The following CNTN3 variants were observed in gnomAD, a reference collection of about 807,000 sequenced individuals.
The protein encoded by CNTN3 is contactin 3.
In CNTN3, 60 loss-of-function variants were observed where a neutral mutation model predicts 119.1. The observed-to-expected ratio is 0.50, with a 90% confidence interval of 0.41 to 0.62. The LOEUF (loss-of-function observed/expected upper bound fraction) is 0.62, where lower values mean the gene tolerates loss of function less well. CNTN3 is among the 20% of genes least tolerant of loss of function. CNTN3 has a pLI of 0.00. For synonymous variants in CNTN3, 450 were observed against 438.7 expected (o/e 1.03, Z -0.32); for missense variants, 1,101 against 1,242.4 (o/e 0.89, Z 1.71).
At chr3:74,590,135 A>G (rs1165592171) in intron 1 of CNTN3, among the ~76,000 whole-genome samples, 1 of 151,914 alleles carries the variant, frequency 6.6e-6, no homozygotes, top group African/African-American at 2.4e-5. Flanking sequence ...ATAATAATAA[A>G]AAATAAATAA....
chr3:74,557,503 G>C (rs570083011), intron 1 of CNTN3, among the ~76,000 whole-genome samples: 1 of 152,232 alleles, frequency 6.6e-6, no homozygotes, highest in South Asian at 2.1e-4. Context: ...GTCTTCAACA[G>C]GTAGGACATA....
chr3:74,397,022 T>C (rs751227799), intron 5 of CNTN3, among the ~76,000 whole-genome samples: 1 of 152,176 alleles, frequency 6.6e-6, no homozygotes, highest in Non-Finnish European at 1.5e-5. Context: ...CTAGGACTTT[T>C]ATAGCCAGAG....
At chr3:74,396,525 T>C (rs1387335514) in intron 5 of CNTN3, among the ~76,000 whole-genome samples, 1 of 151,844 alleles carries the variant, frequency 6.6e-6, no homozygotes, top group Admixed American at 6.6e-5. Context: ...GGCGGGTGGA[T>C]CATCAGGTCA....
intron 3 of CNTN3, among the ~76,000 whole-genome samples, chr3:74,496,100 T>A (rs551590016): frequency 1.4e-4 from 21 of 152,154 alleles, no homozygotes; most frequent in African/African-American, 4.8e-4. Flanking sequence ...TTTAACTTAA[T>A]TGATTTAAAT....
At chr3:74,560,707 A>T (rs1704139475) in intron 1 of CNTN3, among the ~76,000 whole-genome samples, 2 of 152,154 alleles carry the variant, frequency 1.3e-5, no homozygotes, top group African/African-American at 4.8e-5. Flanking sequence ...TCATACTGCT[A>T]TAAAGACACA....
intron 13 of CNTN3, among the ~76,000 whole-genome samples, chr3:74,320,854 C>A (rs879033713): frequency 1.3e-5 from 2 of 151,748 alleles, no homozygotes; most frequent in Admixed American, 1.3e-4. Context: ...ATAGTAAGCT[C>A]TTCAGAATCA....
intron 13 of CNTN3, among the ~76,000 whole-genome samples, chr3:74,324,141 T>C (rs1296782263): frequency 6.6e-6 from 1 of 152,120 alleles, no homozygotes; most frequent in African/African-American, 2.4e-5. Flanking sequence ...TGAATTCCAA[T>C]AGTGGAACTC....
rs776317605 is a variant in CNTN3, at chr3:74,486,459, C to G, written c.355G>C (p.Ala119Pro). ...AGACATGTGAACATAAACTTACAGG[C>G]AAACTGAAGTTTGGCTTCTCTGCTG... is the stretch of plus-strand genomic sequence containing the variant. ...IVSREAKLQF[A>P]YLENFKTKMR... Residue 119 changes from alanine to proline, a missense_variant, in exon 4 of 23, where the codon GCC becomes CCC. Coordinates refer to ENST00000263665, the MANE Select transcript of CNTN3 (RefSeq NM_020872.3). The G allele has an allele frequency of 1.3e-6, 2 of 1,597,778 alleles. No individual in the cohort carries two copies. Among genetic ancestry groups the G allele is most frequent in the Non-Finnish European group, 1.7e-6 (2 of 1,176,124 alleles).
At chr3:74,376,143 G>A (rs1704469773) in intron 5 of CNTN3, among the ~76,000 whole-genome samples, 1 of 152,178 alleles carries the variant, frequency 6.6e-6, no homozygotes, top group African/African-American at 2.4e-5. Context: ...AAGGAACAAA[G>A]CCCTGCTGAC....
chr3:74,413,451 G>T (rs1210597924), intron 5 of CNTN3, among the ~76,000 whole-genome samples: 2 of 152,166 alleles, frequency 1.3e-5, no homozygotes, highest in East Asian at 3.8e-4. Context: ...CTTAGCCACG[G>T]TTAGGAAAAA....
rs117638072 is a variant in CNTN3 at position 74,571,749 on chromosome 3, T to C, written c.-81+42642A>G. Among the ~76,000 whole-genome samples the C allele has an allele frequency of 4.6e-4, 70 of 152,322 alleles. No homozygotes were observed. In the East Asian group the frequency reaches 0.013, roughly 27 times the overall value. The stretch of plus-strand genomic sequence containing the variant: ...ACATATATTAGAAACCATCATTTTA[T>C]ACTTAGAAACTGGGAAGCAAAACTT... On this transcript the variant is annotated intron_variant, in intron 1 of 22. Transcript: ENST00000263665.
intron 5 of CNTN3, among the ~76,000 whole-genome samples, chr3:74,414,475 T>C (rs1399099177): frequency 6.6e-6 from 1 of 152,214 alleles, no homozygotes; most frequent in Non-Finnish European, 1.5e-5. Flanking sequence ...TTGAAGACAA[T>C]GTGTTTCAAA....
chr3:74,446,938 G>A (rs1016618582), intron 4 of CNTN3, among the ~76,000 whole-genome samples: 3 of 152,016 alleles, frequency 2.0e-5, no homozygotes, highest in African/African-American at 2.4e-5. Context: ...TCCATATGAG[G>A]TCTTATTATA....
At chr3:74,324,025 T>C (rs1236778235) in intron 13 of CNTN3, among the ~76,000 whole-genome samples, 1 of 152,188 alleles carries the variant, frequency 6.6e-6, no homozygotes, top group Non-Finnish European at 1.5e-5. Context: ...AAAAACCATA[T>C]ATTACTGTAT....
intron 11 of CNTN3, among the ~76,000 whole-genome samples, chr3:74,353,682 G>A (rs962143052): frequency 2.0e-5 from 3 of 152,088 alleles, no homozygotes; most frequent in Non-Finnish European, 2.9e-5. Context: ...CGTGAACCCG[G>A]GAGGCGGAGC....
chr3:74,266,517 T>C lies in CNTN3; in HGVS notation c.2950A>G (p.Thr984Ala), dbSNP rs1017178469. The change falls in exon 22 of 23, where the codon ACC becomes GCC. Residue 984 changes from threonine (T) to alanine (A), a missense_variant. Physicochemically the swap from Thr to Ala is moderately conservative, Grantham distance 58 (BLOSUM62 0). Coordinates refer to ENST00000263665, the MANE Select transcript of CNTN3 (RefSeq NM_020872.3). Reference sequence around the variant, plus strand: ...GGAATCCTGATCTGTTCACTACTGGTCCCATCCCCTCCATCTGTTGTGGCC... The same window carrying C: ...GGAATCCTGATCTGTTCACTACTGGCCCCATCCCCTCCATCTGTTGTGGCC... Reference protein sequence around the residue: ...VKATTDGGDGTSSEQIRIPRI... With the variant: ...VKATTDGGDGASSEQIRIPRI... The C allele has an allele frequency of 1.2e-6, 2 of 1,613,554 alleles. No homozygotes were observed. The highest frequency in any genetic ancestry group is 1.7e-6 in the Non-Finnish European group (2 of 1,179,574).
intron 2 of CNTN3, among the ~76,000 whole-genome samples, chr3:74,519,374 C>T (rs1226356822): frequency 1.3e-4 from 19 of 151,534 alleles, no homozygotes; most frequent in Admixed American, 6.6e-5. Flanking sequence ...TATATTTGTT[C>T]GTAAATATGT....
chr3:74,575,267 T>C (rs894299900), intron 1 of CNTN3, among the ~76,000 whole-genome samples: 1 of 152,024 alleles, frequency 6.6e-6, no homozygotes, highest in Admixed American at 6.6e-5. Flanking sequence ...TAATATTTTT[T>C]TTGAGATGAA....
At chr3:74,483,412 C>T (rs56037665) in intron 4 of CNTN3, among the ~76,000 whole-genome samples, 75,848 of 151,910 alleles carry the variant, frequency 0.5, 20,688 homozygotes, top group Non-Finnish European at 0.62. Flanking sequence ...CAATCTTCCA[C>T]GTGCTCTGGG....
Sources: allele counts gnomAD v4.1 joint callset (sites outside exome capture counted in the v4.1 genomes callset), GRCh38; gene constraint gnomAD v4.1.1; transcripts MANE v1.5; gene names NCBI Gene and HGNC (gene_info 2026-07-23, HGNC 2026-07-21).